NAA11: variants seen among roughly 807,000 people sequenced by gnomAD.
The protein encoded by NAA11 is N-alpha-acetyltransferase 11.
In NAA11, 15 loss-of-function variants were observed where a neutral mutation model predicts 16.1. The ratio of observed to expected loss-of-function variants is 0.93; its 90% CI spans 0.62 to 1.44. The LOEUF (loss-of-function observed/expected upper bound fraction) is 1.44. NAA11 is among the 40% of genes most tolerant of loss of function. The pLI, the probability that NAA11 is intolerant of heterozygous loss-of-function variation, is 0.00. For synonymous variants in NAA11, 122 were observed against 112.4 expected, an observed-to-expected ratio of 1.09 and a Z score of -0.54; for missense variants, 298 against 291.3, an observed-to-expected ratio of 1.02 and a Z score of -0.17.
At chr4:79,322,980 A>G (rs1386942709) in intron 1 of NAA11, among the ~76,000 whole-genome samples, 1 of 152,222 alleles carries the variant, frequency 6.6e-6, no homozygotes, top group African/African-American at 2.4e-5. Flanking sequence ...TTGGCATTAA[A>G]ATGCAAAAAA....
the NAA11 span, among the ~76,000 whole-genome samples, chr4:79,184,755 T>C: frequency 2.0e-5 from 3 of 152,204 alleles, no homozygotes; most frequent in Non-Finnish European, 4.4e-5. Context: ...GAAAAACGTC[T>C]TTTGTGGAAA....
At chr4:79,161,073 A>G in the NAA11 span, among the ~76,000 whole-genome samples, 15 of 152,322 alleles carry the variant, frequency 9.8e-5, no homozygotes, top group Non-Finnish European at 2.1e-4. Context: ...TAGCTCTTAC[A>G]TTTATTCTGT....
intron 2 of NAA11, among the ~76,000 whole-genome samples, chr4:79,267,283 T>C (rs1722375548): frequency 6.6e-6 from 1 of 152,186 alleles, no homozygotes; most frequent in Non-Finnish European, 1.5e-5. Flanking sequence ...ATTTCAGTGG[T>C]AGAGATTCAG....
intron 2 of NAA11, among the ~76,000 whole-genome samples, chr4:79,265,281 A>G (rs1390329958): frequency 1.3e-5 from 2 of 152,122 alleles, no homozygotes; most frequent in African/African-American, 2.4e-5. Flanking sequence ...GACTTCTCTA[A>G]TGACCTCCAA....
chr4:79,218,884 A>C, the NAA11 span, among the ~76,000 whole-genome samples: 2 of 152,080 alleles, frequency 1.3e-5, no homozygotes, highest in Admixed American at 1.3e-4. Context: ...TCTTCTTTTA[A>C]TTCTGTACTA....
intron 2 of NAA11, among the ~76,000 whole-genome samples, chr4:79,286,179 C>A (rs567487613): frequency 6.6e-6 from 1 of 151,992 alleles, no homozygotes; most frequent in Non-Finnish European, 1.5e-5. Context: ...GAGAATTCTA[C>A]GAACCCACAA....
At chr4:79,297,283 C>G (rs1233831310) in intron 1 of NAA11, among the ~76,000 whole-genome samples, 1 of 152,164 alleles carries the variant, frequency 6.6e-6, no homozygotes, top group Non-Finnish European at 1.5e-5. Context: ...TGTGATGGAG[C>G]CAGGCTGAGC....
intron 2 of NAA11, among the ~76,000 whole-genome samples, chr4:79,259,317 G>C (rs999166569): frequency 3.9e-5 from 6 of 152,140 alleles, no homozygotes; most frequent in African/African-American, 1.2e-4. Flanking sequence ...CAAGCTTCTG[G>C]GCGTCACCAC....
intron 2 of NAA11, among the ~76,000 whole-genome samples, chr4:79,271,712 G>A (rs1243232848): frequency 2.0e-5 from 3 of 151,978 alleles, no homozygotes; most frequent in African/African-American, 7.2e-5. Context: ...AAGTAATGTT[G>A]AAATGTTGAA....
rs142993145 is a variant in NAA11 at position 79,243,508 on chromosome 4, C to T, written c.*123-17238G>A. 2.0e-5 allele frequency among the ~76,000 whole-genome samples: 3 copies of T among 152,348 alleles called. No homozygotes were observed. In the East Asian group the frequency reaches 5.8e-4, roughly 29 times the overall value. ...CTCTACCCCTTCCCTCACCACTAAACCATAAACTCCATGAGAGCAATCTCT... is the reference window on the plus strand; with the variant it reads ...CTCTACCCCTTCCCTCACCACTAAATCATAAACTCCATGAGAGCAATCTCT... On this transcript the variant is annotated intron_variant and NMD_transcript_variant, in intron 2 of 2. Coordinates refer to the NAA11 transcript ENST00000511542.
the NAA11 span, among the ~76,000 whole-genome samples, chr4:79,161,460 C>A: frequency 6.6e-6 from 1 of 152,100 alleles, no homozygotes; most frequent in Non-Finnish European, 1.5e-5. Context: ...AAGTGTGAAA[C>A]CCCCAAATTT....
At chr4:79,247,004 T>G (rs1721854142) in intron 2 of NAA11, among the ~76,000 whole-genome samples, 1 of 152,276 alleles carries the variant, frequency 6.6e-6, no homozygotes, top group Admixed American at 6.5e-5. Flanking sequence ...TGGAGGAAGC[T>G]GGAGTTGTAA....
chr4:79,322,510 T>TATAC (rs1724127921), intron 1 of NAA11, among the ~76,000 whole-genome samples: 1 of 151,754 alleles, frequency 6.6e-6, no homozygotes, highest in Non-Finnish European at 1.5e-5. Flanking sequence ...TGTGTGTATA[T>TATAC]ATATATATAT....
rs192673431 is a variant in NAA11, at chr4:79,318,926, T to A, written c.*13-1135A>T. Among the ~76,000 whole-genome samples the A allele has an allele frequency of 3.3e-5, 5 of 152,262 alleles. No individual in the cohort carries two copies. In the South Asian group the frequency reaches 8.3e-4, roughly 25 times the overall value. On this transcript the variant is annotated intron_variant, in intron 1 of 1. Transcript: ENST00000286794. ...TCCCTTTAAAATGTTAGTATTATAG[T>A]CCTTTTTTTGAGACAGGGTCTTGCT...
chr4:79,257,429 GA>G (rs1241935895), intron 2 of NAA11, among the ~76,000 whole-genome samples: 1 of 152,168 alleles, frequency 6.6e-6, no homozygotes, highest in South Asian at 2.1e-4. Context: ...ATTTGCAAGA[GA>G]TTTTTTTTTA....
chr4:79,160,567 G>T, the NAA11 span, among the ~76,000 whole-genome samples: 2 of 152,128 alleles, frequency 1.3e-5, no homozygotes, highest in African/African-American at 4.8e-5. Context: ...ATGTGAAGTT[G>T]TATCTAATTG....
intron 2 of NAA11, among the ~76,000 whole-genome samples, chr4:79,279,937 CA>C (rs1341656093): frequency 1.3e-5 from 2 of 152,060 alleles, no homozygotes; most frequent in East Asian, 3.9e-4. Flanking sequence ...AAGATCTGTT[CA>C]GGGAGATGTG....
At chr4:79,272,936 C>T (rs1722532354) in intron 2 of NAA11, among the ~76,000 whole-genome samples, 2 of 151,944 alleles carry the variant, frequency 1.3e-5, no homozygotes, top group Admixed American at 1.3e-4. Context: ...TTTCTCCATA[C>T]AGTTCTTCTA....
intron 2 of NAA11, among the ~76,000 whole-genome samples, chr4:79,285,645 C>T (rs1722889350): frequency 6.6e-6 from 1 of 151,826 alleles, no homozygotes; most frequent in Admixed American, 6.6e-5. Context: ...CTAAAAATAG[C>T]ATTAATAATA....
Sources: allele counts gnomAD v4.1 joint callset (sites outside exome capture counted in the v4.1 genomes callset), GRCh38; gene constraint gnomAD v4.1.1; transcripts MANE v1.5; gene names NCBI Gene and HGNC (gene_info 2026-07-23, HGNC 2026-07-21).